Variants in POC1A observed in about 807,000 individuals in gnomAD.
POC1A encodes POC1 centriolar protein A.
In POC1A, 34 loss-of-function variants were observed where a neutral mutation model predicts 47.8. The ratio of observed to expected loss-of-function variants is 0.71; its 90% CI spans 0.54 to 0.95. The LOEUF (loss-of-function observed/expected upper bound fraction) is 0.95, where lower values mean the gene tolerates loss of function less well. Among genes scored for constraint, POC1A ranks in the 40% least tolerant of loss-of-function variants. The pLI, the probability that POC1A is intolerant of heterozygous loss-of-function variation, is 0.00. For synonymous variants in POC1A, 177 were observed against 207.6 expected (o/e 0.85, Z 1.27); for missense variants, 466 against 528.3 (o/e 0.88, Z 1.16).
intron 9 of POC1A, among the ~76,000 whole-genome samples, chr3:52,121,181 A>G (rs1371486014): frequency 1.3e-5 from 2 of 152,360 alleles, no homozygotes; most frequent in African/African-American, 4.8e-5. Flanking sequence ...GGCCTTGGCT[A>G]TGGCTCACCA....
In POC1A at chr3:52,154,384, C is replaced by T. The variant is rs1010212564; in HGVS notation, c.-12G>A. On this transcript the variant is annotated 5_prime_UTR_variant, in exon 1 of 11. Transcript: ENST00000296484. ...CAGGGCGCAGCCATGGCGGGGCTGGCGGCGCCGAAGGCAGCTGCGGTGGCC... is the reference window on the plus strand; with the variant it reads ...CAGGGCGCAGCCATGGCGGGGCTGGTGGCGCCGAAGGCAGCTGCGGTGGCC... 8.8e-6 allele frequency: 13 copies of T among 1,474,794 alleles called. No homozygotes were observed. The highest frequency in any genetic ancestry group is 2.7e-5 in the Admixed American group (1 of 36,864). The allele number at this position is 1,474,794 out of a possible 1,614,324, so 91.4% of individuals were successfully genotyped here.
intron 3 of POC1A, 64 bp from the exon 4 acceptor site, chr3:52,149,453 A>C (rs1394260255): frequency 1.4e-6 from 2 of 1,478,868 alleles, no homozygotes; most frequent in Non-Finnish European, 1.9e-6. Context: ...CCACAAGCAC[A>C]TCAAAGCTCT....
chr3:52,143,377 C>T lies in POC1A; in HGVS notation c.679+2469G>A, dbSNP rs542252159. ...GGTCCCCAGCTCCCTCTCCCCAGTACCCACCGCTCTCCTCGGCTGCTCTGC... is the reference window on the plus strand; with the variant it reads ...GGTCCCCAGCTCCCTCTCCCCAGTATCCACCGCTCTCCTCGGCTGCTCTGC... On this transcript the variant is annotated intron_variant, in intron 6 of 10. Coordinates refer to ENST00000296484, the MANE Select transcript of POC1A (RefSeq NM_015426.5). Among the ~76,000 whole-genome samples the T allele has an allele frequency of 3.9e-5, 6 of 152,202 alleles. No individual in the cohort carries two copies. The East Asian group carries it at 9.7e-4, about 25-fold the overall frequency.
At position 52,122,437 on chromosome 3, in the gene POC1A, C is replaced by T. The variant is rs1407583846; in HGVS notation, c.923G>A (p.Gly308Glu). The T allele has an allele frequency of 3.7e-6, 6 of 1,612,972 alleles. No homozygotes were observed. Among genetic ancestry groups the T allele is most frequent in the South Asian group, 1.1e-5 (1 of 91,066 alleles). The part of the protein sequence containing the change: ...WKSNFDIVDH[G>E]EVTKVPRPPA... ...GGGCCTCGGCACTTTCGTGACTTCT[C>T]CATGATCAACAATATCAAAGTTACT... Residue 308 changes from glycine to glutamate, a missense_variant, in exon 9 of 11, where the codon GGA becomes GAA. Physicochemically the swap from Gly to Glu is moderately conservative, Grantham distance 98. Coordinates refer to ENST00000296484, the MANE Select transcript of POC1A (RefSeq NM_015426.5).
chr3:52,149,404 A>G lies in POC1A; in HGVS notation c.276-15T>C, dbSNP rs1186840141. ...ACTCACCTTTGCTACAAGGACAGGC[A>G]TCCAAGAGTAAGGAAACCCATAACA... On this transcript the variant is annotated splice_polypyrimidine_tract_variant and intron_variant, in intron 3 of 10. Coordinates refer to ENST00000296484, the MANE Select transcript of POC1A (RefSeq NM_015426.5). 1.2e-6 allele frequency: 2 copies of G among 1,612,228 alleles called. No individual in the cohort carries two copies. Among genetic ancestry groups the G allele is most frequent in the Non-Finnish European group, 1.7e-6 (2 of 1,178,598 alleles).
chr3:52,075,802 C>A lies in POC1A; in HGVS notation c.*85G>T, dbSNP rs550800890. The A allele has an allele frequency of 2.0e-4, 200 of 981,902 alleles. No individual in the cohort carries two copies. Among genetic ancestry groups the A allele is most frequent in the Admixed American group, 1.6e-3 (96 of 58,658 alleles). The allele number at this position is 981,902 out of a possible 1,614,324, so 60.8% of individuals were successfully genotyped here. ...GGATGTGATTCCCACAGAGTTCAGT[C>A]CCCTTTATTTACCCAAGTCCCATGG... On this transcript the variant is annotated 3_prime_UTR_variant, in exon 11 of 11. Coordinates refer to ENST00000296484, the MANE Select transcript of POC1A (RefSeq NM_015426.5).
intron 10 of POC1A, among the ~76,000 whole-genome samples, chr3:52,085,126 G>T (rs1435500462): frequency 1.3e-5 from 2 of 152,134 alleles, no homozygotes; most frequent in Admixed American, 1.3e-4. Context: ...GCTGTCCCAG[G>T]CCCCCCTGGC....
chr3:52,113,176 T>C lies in POC1A; in HGVS notation c.981+9203A>G, dbSNP rs369732327. 2.0e-5 allele frequency among the ~76,000 whole-genome samples: 3 copies of C among 152,354 alleles called. No homozygotes were observed. In the East Asian group the frequency reaches 5.8e-4, roughly 29 times the overall value. On this transcript the variant is annotated intron_variant, in intron 9 of 10. Coordinates refer to ENST00000296484, the MANE Select transcript of POC1A (RefSeq NM_015426.5). ...TCTGCAAATGCTGTCCTCATGCTTA[T>C]CAAAGGCAACTCCTCCCCCATGGGA...
chr3:52,093,720 T>G (rs1702717688), intron 10 of POC1A, among the ~76,000 whole-genome samples: 1 of 152,246 alleles, frequency 6.6e-6, no homozygotes, highest in African/African-American at 2.4e-5. Flanking sequence ...CTCAGCTTCC[T>G]GGCTTCCAGG....
In POC1A at chr3:52,145,888, C is replaced by T. The variant is rs1698346626; in HGVS notation, c.637G>A (p.Val213Met). ...AAAGMDNTVK[V>M]WDVRTHRLLQ... The stretch of plus-strand genomic sequence containing the variant: ...AGCCGGTGAGTCCGCACGTCCCACA[C>T]CTTCACTGTGTTGTCCATGCCGGCA... Residue 213 changes from valine (V) to methionine (M), a missense_variant, in exon 6 of 11, where the codon GTG becomes ATG. By Grantham distance (21) the Val-to-Met change is conservative. Transcript: ENST00000296484. 6.2e-7 allele frequency: 1 copy of T among 1,613,958 alleles called. No homozygotes were observed. Among genetic ancestry groups the T allele is most frequent in the African/African-American group, 1.3e-5 (1 of 75,068 alleles).
At chr3:52,096,790 G>A in intron 9 of POC1A, 78 bp from the exon 10 acceptor site, 2 of 1,300,804 alleles carry the variant, frequency 1.5e-6, no homozygotes, top group African/African-American at 1.5e-5. Flanking sequence ...CCCCTCCAAA[G>A]GATGAAAGGG....
intron 6 of POC1A, among the ~76,000 whole-genome samples, chr3:52,141,332 C>A (rs1698186687): frequency 6.6e-6 from 1 of 152,252 alleles, no homozygotes; most frequent in South Asian, 2.1e-4. Flanking sequence ...GGTGCCCAAG[C>A]AGGAGGTTCC....
At chr3:52,115,440 T>C (rs1197902011) in intron 9 of POC1A, among the ~76,000 whole-genome samples, 3 of 152,166 alleles carry the variant, frequency 2.0e-5, no homozygotes, top group Non-Finnish European at 4.4e-5. Context: ...TTCTCCCCTC[T>C]ACAGAAAGTG....
chr3:52,133,697 T>C (rs144419768), intron 7 of POC1A, among the ~76,000 whole-genome samples: 71 of 152,184 alleles, frequency 4.7e-4, no homozygotes, highest in African/African-American at 1.4e-3. Flanking sequence ...ACTCAGACAA[T>C]AGAGTTGCAG....
At chr3:52,124,870 G>A (rs1303917870) in intron 8 of POC1A, among the ~76,000 whole-genome samples, 1 of 152,206 alleles carries the variant, frequency 6.6e-6, no homozygotes, top group Non-Finnish European at 1.5e-5. Context: ...GCGCTAGCCT[G>A]AGCAGTGAGG....
chr3:52,099,208 G>A (rs1559818776), intron 9 of POC1A, among the ~76,000 whole-genome samples: 2 of 152,162 alleles, frequency 1.3e-5, no homozygotes, highest in Non-Finnish European at 1.5e-5. Context: ...AAAGAGCAGG[G>A]CCCACCGAGG....
chr3:52,116,184 C>T (rs1703558797), intron 9 of POC1A, among the ~76,000 whole-genome samples: 1 of 152,178 alleles, frequency 6.6e-6, no homozygotes, highest in African/African-American at 2.4e-5. Context: ...AAGGGAAGAT[C>T]TAGTGCCAAG....
At chr3:52,095,694 G>GC (rs1179907324) in intron 10 of POC1A, among the ~76,000 whole-genome samples, 3 of 152,008 alleles carry the variant, frequency 2.0e-5, no homozygotes, top group African/African-American at 4.8e-5. Flanking sequence ...ATCCTGCCTT[G>GC]CCCCCCACCC....
At chr3:52,114,395 T>A (rs1703487245) in intron 9 of POC1A, among the ~76,000 whole-genome samples, 1 of 151,878 alleles carries the variant, frequency 6.6e-6, no homozygotes, top group African/African-American at 2.4e-5. Flanking sequence ...ACAAGGGAGG[T>A]GCACTTGACA....
Sources: gnomAD v4.1 joint callset for allele counts (sites outside exome capture counted in the v4.1 genomes callset) on GRCh38, gnomAD v4.1.1 for gene constraint, MANE v1.5 for transcripts, NCBI Gene and HGNC (gene_info 2026-07-23, HGNC 2026-07-21) for gene names.